The following FGGY variants were observed in gnomAD, a reference collection of about 807,000 sequenced individuals.
The protein encoded by FGGY is FGGY carbohydrate kinase domain containing.
FGGY carries 72 observed loss-of-function variants against 71.3 expected under a neutral mutation model. The observed-to-expected ratio is 1.01, with a 90% confidence interval of 0.84 to 1.23. FGGY has a LOEUF of 1.23. Among genes scored for constraint, FGGY ranks in the 50% most tolerant of loss-of-function variants. FGGY has a pLI of 0.00. For synonymous variants in FGGY, 251 were observed against 250.3 expected, an observed-to-expected ratio of 1.00 and a Z score of -0.02; for missense variants, 668 against 682.3, an observed-to-expected ratio of 0.98 and a Z score of 0.23.
At chr1:59,449,897 G>C (rs1417495563) in intron 5 of FGGY, among the ~76,000 whole-genome samples, 1 of 152,126 alleles carries the variant, frequency 6.6e-6, no homozygotes, top group Non-Finnish European at 1.5e-5. Context: ...TTAAGCTCAG[G>C]AGTTAAAGGC....
chr1:59,304,863 T>C (rs986629997), intron 1 of FGGY, among the ~76,000 whole-genome samples: 5 of 152,126 alleles, frequency 3.3e-5, no homozygotes, highest in Admixed American at 3.3e-4. Context: ...TTTGGGGTAG[T>C]TCATTGTTAG....
intron 14 of FGGY, among the ~76,000 whole-genome samples, chr1:59,677,420 T>C (rs4244020): frequency 0.73 from 111,022 of 152,034 alleles, 41,507 homozygotes; most frequent in East Asian, 0.83. Context: ...AGGATTTCAC[T>C]TCTTATCTAG....
chr1:59,346,797 AT>A (rs796934275), intron 4 of FGGY, among the ~76,000 whole-genome samples: 8 of 151,000 alleles, frequency 5.3e-5, no homozygotes, highest in East Asian at 1.9e-4. Context: ...CTCCAAAATC[AT>A]TTTTTTTTAA....
chr1:59,600,447 A>T (rs1225376834), intron 8 of FGGY, among the ~76,000 whole-genome samples: 1 of 152,174 alleles, frequency 6.6e-6, no homozygotes, highest in Non-Finnish European at 1.5e-5. Flanking sequence ...CATTGCACAC[A>T]TAGGACTGGA....
intron 8 of FGGY, among the ~76,000 whole-genome samples, chr1:59,588,982 G>T (rs1460530774): frequency 1.3e-5 from 2 of 152,202 alleles, no homozygotes; most frequent in Non-Finnish European, 2.9e-5. Context: ...CCAATTAAAA[G>T]ACACAGTCTG....
chr1:59,607,790 T>C lies in FGGY; in HGVS notation c.904-13T>C. On this transcript the variant is annotated splice_polypyrimidine_tract_variant and intron_variant, in intron 8 of 15. Coordinates refer to ENST00000303721, the MANE Select transcript of FGGY (RefSeq NM_018291.5). Reference sequence around the variant, plus strand: ...AGTCAATGTTTTCACATATTTTCCATCTTTCTTTCCAGATCAGCAAAGACC... The same window carrying C: ...AGTCAATGTTTTCACATATTTTCCACCTTTCTTTCCAGATCAGCAAAGACC... The C allele has an allele frequency of 6.2e-7, 1 of 1,605,284 alleles. No individual in the cohort carries two copies. The highest frequency in any genetic ancestry group is 1.1e-5 in the South Asian group (1 of 90,684).
At chr1:59,572,647 A>G (rs2096006719) in intron 8 of FGGY, among the ~76,000 whole-genome samples, 1 of 152,162 alleles carries the variant, frequency 6.6e-6, no homozygotes, top group Admixed American at 6.6e-5. Context: ...AACTTGTCTC[A>G]GATTATGGTG....
chr1:59,507,805 GA>G (rs1310240655), intron 6 of FGGY, among the ~76,000 whole-genome samples: 1 of 151,532 alleles, frequency 6.6e-6, no homozygotes, highest in Non-Finnish European at 1.5e-5. Flanking sequence ...AAGTGCTGGG[GA>G]TTACAGGCAT....
chr1:59,429,401 G>C (rs1028004316), intron 5 of FGGY, among the ~76,000 whole-genome samples: 2 of 152,058 alleles, frequency 1.3e-5, no homozygotes, highest in African/African-American at 4.8e-5. Flanking sequence ...TGCTTGGTAA[G>C]TTTCTTTCAA....
chr1:59,679,250 A>G (rs1294643608), intron 14 of FGGY, among the ~76,000 whole-genome samples: 2 of 151,992 alleles, frequency 1.3e-5, no homozygotes, highest in Non-Finnish European at 2.9e-5. Flanking sequence ...TTCAGAGCCT[A>G]TGATTTTTGT....
chr1:59,540,128 G>GGGGATATCAAACACCTGAAATGCT (rs2095417033), intron 7 of FGGY, among the ~76,000 whole-genome samples: 1 of 152,170 alleles, frequency 6.6e-6, no homozygotes, highest in Non-Finnish European at 1.5e-5. Flanking sequence ...AAGTATTGAT[G>GGGGATATCAAACACCTGAAATGCT]GGGATATCAA....
rs139154122 is a variant in FGGY at position 59,585,821 on chromosome 1, C to A, written c.904-21982C>A. The stretch of plus-strand genomic sequence containing the variant: ...TCTACAAAGAACTCAAACAAATTTG[C>A]AAGAAAAAAACCCCATCAACAATTG... On this transcript the variant is annotated intron_variant, in intron 8 of 15. Transcript: ENST00000303721. 5.4e-3 allele frequency among the ~76,000 whole-genome samples: 823 copies of A among 151,988 alleles called. 9 individuals carry two copies. Among genetic ancestry groups the A allele is most frequent in the Non-Finnish European group, 5.8e-3 (395 of 67,960 alleles).
At chr1:59,584,116 A>G (rs542446468) in intron 8 of FGGY, among the ~76,000 whole-genome samples, 1 of 149,906 alleles carries the variant, frequency 6.7e-6, no homozygotes, top group East Asian at 2.0e-4. Context: ...TCCTTCTGAA[A>G]CTATTCCAGC....
chr1:59,513,802 G>C (rs1429958862), intron 7 of FGGY, among the ~76,000 whole-genome samples: 7 of 152,154 alleles, frequency 4.6e-5, no homozygotes, highest in Non-Finnish European at 1.0e-4. Context: ...AAACAGTAGA[G>C]TGAAGATTAA....
At chr1:59,739,331 C>A (rs2098129242) in intron 14 of FGGY, among the ~76,000 whole-genome samples, 1 of 152,178 alleles carries the variant, frequency 6.6e-6, no homozygotes, top group African/African-American at 2.4e-5. Context: ...TTGGCTTCTG[C>A]AAATAAACTA....
intron 7 of FGGY, among the ~76,000 whole-genome samples, chr1:59,530,183 T>G (rs1246650165): frequency 6.6e-6 from 1 of 152,020 alleles, no homozygotes; most frequent in Non-Finnish European, 1.5e-5. Context: ...ACAAAAGGCC[T>G]CCCAAAGCTG....
intron 10 of FGGY, among the ~76,000 whole-genome samples, chr1:59,628,750 G>A (rs1380060982): frequency 1.3e-5 from 2 of 152,144 alleles, no homozygotes; most frequent in Non-Finnish European, 2.9e-5. Context: ...AACCCATGTA[G>A]CTAGCTAGCA....
chr1:59,366,723 G>A (rs1052799266), intron 4 of FGGY, among the ~76,000 whole-genome samples: 1 of 151,260 alleles, frequency 6.6e-6, no homozygotes, highest in Non-Finnish European at 1.5e-5. Context: ...CTTGGCTCTT[G>A]CCCTTCAGAA....
chr1:59,653,064 C>T (rs900555638), intron 11 of FGGY, among the ~76,000 whole-genome samples: 12 of 152,168 alleles, frequency 7.9e-5, no homozygotes, highest in African/African-American at 1.9e-4. Flanking sequence ...TTAGGCTGCT[C>T]GTGGGTCAGG....
Sources: allele counts gnomAD v4.1 joint callset (sites outside exome capture counted in the v4.1 genomes callset), GRCh38; gene constraint gnomAD v4.1.1; transcripts MANE v1.5; gene names NCBI Gene and HGNC (gene_info 2026-07-23, HGNC 2026-07-21).